CDC42SE2: variants seen among roughly 807,000 people sequenced by gnomAD.
CDC42SE2 encodes CDC42 small effector 2.
CDC42SE2 carries 3 observed loss-of-function variants against 11.5 expected under a neutral mutation model. The observed-to-expected ratio is 0.26, with a 90% CI of 0.12 to 0.67. The LOEUF (loss-of-function observed/expected upper bound fraction) is 0.67, where lower values mean the gene tolerates loss of function less well. CDC42SE2 is among the 30% of genes least tolerant of loss of function. The probability of loss-of-function intolerance (pLI) is 0.80; values close to 1 mark genes in which losing one functional copy is unlikely to be tolerated. For synonymous variants in CDC42SE2, 33 were observed against 34.8 expected, an observed-to-expected ratio of 0.95 and a Z score of 0.18; for missense variants, 82 against 106.8, an observed-to-expected ratio of 0.77 and a Z score of 1.02.
upstream of CDC42SE2, among the ~76,000 whole-genome samples, chr5:131,245,217 A>AT (rs911859403): frequency 2.0e-5 from 3 of 152,246 alleles, no homozygotes; most frequent in East Asian, 5.8e-4. Context: ...ACAAGTGGTT[A>AT]TTTTCGGGTT....
At position 131,353,076 on chromosome 5, in the gene CDC42SE2, C is replaced by G. The variant is rs557747035; in HGVS notation, c.-285-6133C>G. 2.0e-5 allele frequency among the ~76,000 whole-genome samples: 3 copies of G among 152,212 alleles called. No individual in the cohort carries two copies. The East Asian group carries it at 5.8e-4, about 29-fold the overall frequency. Reference sequence around the variant, plus strand: ...GACTTCCTGGGCTCTAGTGATCCTCCAAACTCAGCCTTCCAAGTAGCTGAT... The same window carrying G: ...GACTTCCTGGGCTCTAGTGATCCTCGAAACTCAGCCTTCCAAGTAGCTGAT... On this transcript the variant is annotated intron_variant, in intron 2 of 4. Coordinates refer to ENST00000505065, the MANE Select transcript of CDC42SE2 (RefSeq NM_001375635.1).
At chr5:131,320,898 C>T (rs901875378) in intron 2 of CDC42SE2, among the ~76,000 whole-genome samples, 4 of 151,932 alleles carry the variant, frequency 2.6e-5, no homozygotes, top group African/African-American at 9.7e-5. Context: ...TTTTTTCTTT[C>T]TGGCAATATT....
At chr5:131,322,198 A>G (rs1465006773) in intron 2 of CDC42SE2, among the ~76,000 whole-genome samples, 1 of 152,144 alleles carries the variant, frequency 6.6e-6, no homozygotes, top group East Asian at 1.9e-4. Context: ...AAAATTTATC[A>G]TCTTATCCAT....
intron 3 of CDC42SE2, among the ~76,000 whole-genome samples, chr5:131,365,381 C>T (rs1749823962): frequency 2.6e-5 from 4 of 151,976 alleles, no homozygotes; most frequent in African/African-American, 7.2e-5. Flanking sequence ...AGAGGGAACT[C>T]TAGCTGAGGG....
the CDC42SE2 span, among the ~76,000 whole-genome samples, chr5:131,215,350 G>A: frequency 6.6e-6 from 1 of 152,160 alleles, no homozygotes; most frequent in Admixed American, 6.5e-5. Flanking sequence ...GCGTTAAAAA[G>A]AAAAGAGAGA....
At chr5:131,348,413 A>T (rs532174217) in intron 2 of CDC42SE2, among the ~76,000 whole-genome samples, 68 of 152,308 alleles carry the variant, frequency 4.5e-4, no homozygotes, top group African/African-American at 1.6e-3. Flanking sequence ...AGAATAAAAT[A>T]CCTAGGAATC....
rs1750720822 is a variant in CDC42SE2 at position 131,393,246 on chromosome 5, C to CAA, written c.*2156_*2157dup. Reference sequence around the variant, plus strand: ...TCTTCTGCCTTCATTTACCTTAGTCCAAGATTCTTGCAAAACAGGCAACTG... The same window carrying CAA: ...TCTTCTGCCTTCATTTACCTTAGTCCAAAAGATTCTTGCAAAACAGGCAACTG... On this transcript the variant is annotated 3_prime_UTR_variant, in exon 5 of 5. Coordinates refer to ENST00000505065, the MANE Select transcript of CDC42SE2 (RefSeq NM_001375635.1). 6.6e-6 allele frequency: 1 copy of CAA among 152,276 alleles called. No homozygotes were observed. Among genetic ancestry groups the CAA allele is most frequent in the Non-Finnish European group, 1.5e-5 (1 of 68,028 alleles). 9.4% of individuals were successfully genotyped at this position (152,276 alleles called of 1,614,324 possible). A position where few individuals can be genotyped will look rare whatever the true frequency, so the allele number is the denominator to read the frequency against.
chr5:131,356,499 G>A (rs1320927001), intron 2 of CDC42SE2, among the ~76,000 whole-genome samples: 1 of 152,160 alleles, frequency 6.6e-6, no homozygotes. Flanking sequence ...TCCAAAGCAT[G>A]TCTGAAACAT....
intron 1 of CDC42SE2, among the ~76,000 whole-genome samples, chr5:131,295,303 A>G (rs1411299241): frequency 2.6e-5 from 4 of 152,008 alleles, no homozygotes; most frequent in Non-Finnish European, 2.9e-5. Flanking sequence ...AAACCAAAAC[A>G]AAAAACCAAA....
intron 2 of CDC42SE2, among the ~76,000 whole-genome samples, chr5:131,321,071 C>T (rs926919029): frequency 6.6e-6 from 1 of 152,134 alleles, no homozygotes; most frequent in African/African-American, 2.4e-5. Context: ...TAAGTTGGCA[C>T]ATTCCTTTAG....
chr5:131,387,719 C>CT (rs957811086), intron 4 of CDC42SE2, among the ~76,000 whole-genome samples: 13 of 152,146 alleles, frequency 8.5e-5, no homozygotes, highest in African/African-American at 3.1e-4. Flanking sequence ...TAGGACTGTA[C>CT]TTTGCAGGGC....
At position 131,329,879 on chromosome 5, in the gene CDC42SE2, C is replaced by CAAAAAAAAAAAAAAAAAAAAAA. The variant is rs747152132; in HGVS notation, c.-286+13757_-286+13778dup. The stretch of plus-strand genomic sequence containing the variant: ...GGGCAACAAGAGTGAAACTCCATCT[C>CAAAAAAAAAAAAAAAAAAAAAA]AAAAAAAAAAAAAAAAAAAAAAAAA... On this transcript the variant is annotated intron_variant, in intron 2 of 4. Coordinates refer to ENST00000505065, the MANE Select transcript of CDC42SE2 (RefSeq NM_001375635.1). Among the ~76,000 whole-genome samples, 33 of 56,626 alleles carry CAAAAAAAAAAAAAAAAAAAAAA rather than the reference C, an allele frequency of 5.8e-4. 7 individuals are homozygous for CAAAAAAAAAAAAAAAAAAAAAA. The highest frequency in any genetic ancestry group is 7.1e-4 in the Non-Finnish European group (18 of 25,238). 37.1% of individuals were successfully genotyped at this position (56,626 alleles called of 152,430 possible). A position where few individuals can be genotyped will look rare whatever the true frequency, so the allele number is the denominator to read the frequency against.
Position 131,341,493 on chromosome 5 carries a change from A to G in CDC42SE2, c.-285-17716A>G, listed in dbSNP as rs146051179. ...TTAAAACATTTTCATTCTGTGTCCC[A>G]CTTCTTAGGAAGCCAGGGGAGTATG... is the stretch of plus-strand genomic sequence containing the variant. On this transcript the variant is annotated intron_variant, in intron 2 of 4. Coordinates refer to ENST00000505065, the MANE Select transcript of CDC42SE2 (RefSeq NM_001375635.1). Among the ~76,000 whole-genome samples the G allele has an allele frequency of 4.9e-3, 748 of 152,336 alleles. 4 individuals carry two copies. Among genetic ancestry groups the G allele is most frequent in the African/African-American group, 0.016 (685 of 41,576 alleles).
upstream of CDC42SE2, among the ~76,000 whole-genome samples, chr5:131,241,214 G>A (rs1684656189): frequency 6.6e-6 from 1 of 151,686 alleles, no homozygotes; most frequent in East Asian, 1.9e-4. Flanking sequence ...TCCTGACCTC[G>A]GCCTCCCAAA....
intron 1 of CDC42SE2, among the ~76,000 whole-genome samples, chr5:131,291,934 A>G (rs1757465044): frequency 6.6e-6 from 1 of 152,140 alleles, no homozygotes; most frequent in Non-Finnish European, 1.5e-5. Flanking sequence ...ACTCTTGATT[A>G]TTAAGCATCT....
At chr5:131,250,348 T>G (rs568509514) in intron 1 of CDC42SE2, among the ~76,000 whole-genome samples, 1 of 152,144 alleles carries the variant, frequency 6.6e-6, no homozygotes, top group African/African-American at 2.4e-5. Context: ...TATTGACACA[T>G]GTTAGTTGAA....
At chr5:131,321,362 T>A (rs1048630266) in intron 2 of CDC42SE2, among the ~76,000 whole-genome samples, 6 of 152,274 alleles carry the variant, frequency 3.9e-5, no homozygotes, top group Admixed American at 1.3e-4. Context: ...GGCAGTTTTT[T>A]AAAAGTTACT....
At chr5:131,312,912 A>C (rs930346931) in intron 1 of CDC42SE2, among the ~76,000 whole-genome samples, 8 of 151,722 alleles carry the variant, frequency 5.3e-5, no homozygotes, top group Non-Finnish European at 1.2e-4. Context: ...TGTGTCGCTC[A>C]CGCTGGGATC....
At chr5:131,286,856 G>A (rs555731321) in intron 1 of CDC42SE2, among the ~76,000 whole-genome samples, 3 of 151,384 alleles carry the variant, frequency 2.0e-5, no homozygotes, top group Middle Eastern at 3.4e-3. Flanking sequence ...TTAATGTAAG[G>A]CTCCTGGTCA....
Sources: gnomAD v4.1 joint callset for allele counts (sites outside exome capture counted in the v4.1 genomes callset) on GRCh38, gnomAD v4.1.1 for gene constraint, MANE v1.5 for transcripts, NCBI Gene and HGNC (gene_info 2026-07-23, HGNC 2026-07-21) for gene names.